The following GRM5 variants were observed in gnomAD, a reference collection of about 807,000 sequenced individuals.
GRM5 encodes the protein glutamate metabotropic receptor 5, also known as metabotropic glutamate receptor 5.
In GRM5, 19 loss-of-function variants were observed where a neutral mutation model predicts 83.1. The observed-to-expected ratio is 0.23, with a 90% confidence interval of 0.16 to 0.34. The LOEUF (loss-of-function observed/expected upper bound fraction) is 0.34, where lower values mean the gene tolerates loss of function less well. Among genes scored for constraint, GRM5 ranks in the 10% least tolerant of loss-of-function variants. GRM5 has a pLI of 1.00. For synonymous variants in GRM5, 675 were observed against 633.6 expected, an observed-to-expected ratio of 1.07 and a Z score of -0.98; for missense variants, 1,160 against 1,588.3, an observed-to-expected ratio of 0.73 and a Z score of 4.58.
At chr11:88,580,710 C>G (rs1336332326) in intron 7 of GRM5, among the ~76,000 whole-genome samples, 1 of 152,126 alleles carries the variant, frequency 6.6e-6, no homozygotes, top group Non-Finnish European at 1.5e-5. Flanking sequence ...TGAAGCTAAT[C>G]TAAACGAAGT....
intron 4 of GRM5, among the ~76,000 whole-genome samples, chr11:88,649,283 A>G (rs1248708957): frequency 3.8e-5 from 2 of 52,388 alleles, no homozygotes; most frequent in Non-Finnish European, 1.7e-4. Context: ...TATTATATAT[A>G]TGTAATACAT....
At chr11:89,063,912 T>C (rs1942050138) in intron 1 of GRM5, among the ~76,000 whole-genome samples, 1 of 152,092 alleles carries the variant, frequency 6.6e-6, no homozygotes, top group Non-Finnish European at 1.5e-5. Context: ...TTTTCACATG[T>C]TTACCGTCAT....
chr11:88,803,559 G>A (rs932585141), intron 3 of GRM5, among the ~76,000 whole-genome samples: 11 of 152,110 alleles, frequency 7.2e-5, no homozygotes, highest in Non-Finnish European at 1.2e-4. Flanking sequence ...AGACTTAAAC[G>A]TTGGACCTAA....
intron 3 of GRM5, among the ~76,000 whole-genome samples, chr11:88,673,211 G>T (rs1452400981): frequency 2.0e-5 from 3 of 151,866 alleles, no homozygotes; most frequent in Non-Finnish European, 4.4e-5. Context: ...GAGAAGTGAT[G>T]ATTTGAAACA....
intron 3 of GRM5, among the ~76,000 whole-genome samples, chr11:88,690,229 T>A (rs1940747283): frequency 6.6e-6 from 1 of 152,142 alleles, no homozygotes; most frequent in South Asian, 2.1e-4. Context: ...CAACTTTTTT[T>A]ATTACAGTAA....
chr11:88,925,002 G>C (rs1462226658), intron 2 of GRM5, among the ~76,000 whole-genome samples: 1 of 151,912 alleles, frequency 6.6e-6, no homozygotes, highest in Non-Finnish European at 1.5e-5. Flanking sequence ...TCTCACAGAT[G>C]TTTTACTTCA....
intron 3 of GRM5, among the ~76,000 whole-genome samples, chr11:88,672,281 G>C (rs1940214481): frequency 6.6e-6 from 1 of 151,968 alleles, no homozygotes; most frequent in South Asian, 2.1e-4. Context: ...TACAGTCCAA[G>C]TACATCAACA....
chr11:88,647,532 C>T (rs902200593), intron 4 of GRM5, among the ~76,000 whole-genome samples: 1 of 152,078 alleles, frequency 6.6e-6, no homozygotes, highest in African/African-American at 2.4e-5. Context: ...AAACGTTAGA[C>T]CTAAAACCAT....
chr11:88,815,611 T>G (rs114871303), intron 3 of GRM5, among the ~76,000 whole-genome samples: 4,016 of 152,156 alleles, frequency 0.026, 182 homozygotes, highest in African/African-American at 0.09. Flanking sequence ...TCACTTATTG[T>G]GGAAAATAAC....
intron 2 of GRM5, among the ~76,000 whole-genome samples, chr11:88,983,348 G>A (rs1013034788): frequency 6.6e-6 from 1 of 152,152 alleles, no homozygotes; most frequent in Non-Finnish European, 1.5e-5. Context: ...GAGTTCATGT[G>A]CATAGTAACT....
At chr11:88,648,944 AAT>A in intron 4 of GRM5, among the ~76,000 whole-genome samples, 1 of 150,986 alleles carries the variant, frequency 6.6e-6, no homozygotes, top group African/African-American at 2.4e-5. Flanking sequence ...AAACTGATGC[AAT>A]TCTTTATTCT....
At chr11:88,786,530 T>C (rs1399888098) in intron 3 of GRM5, among the ~76,000 whole-genome samples, 1 of 152,146 alleles carries the variant, frequency 6.6e-6, no homozygotes, top group African/African-American at 2.4e-5. Context: ...CTAGACTCTT[T>C]GCTACTTGCG....
rs1941235697 is a variant in GRM5 at position 88,508,325 on chromosome 11, G to A, written c.*267C>T. 4 of 357,402 alleles carry A rather than the reference G, an allele frequency of 1.1e-5. No homozygotes were observed. The highest frequency in any genetic ancestry group is 8.8e-5 in the South Asian group (2 of 22,856). The allele number at this position is 357,402 out of a possible 1,614,324, so 22.1% of individuals were successfully genotyped here. A position where few individuals can be genotyped will look rare whatever the true frequency, so the allele number is the denominator to read the frequency against. On this transcript the variant is annotated 3_prime_UTR_variant, in exon 10 of 10. Transcript: ENST00000305447. This position sits in a 1 kb window ranked among gnomAD's most constrained non-coding sequence, Gnocchi z 4.2. Reference sequence around the variant, plus strand: ...TTGGTATGGAACTGTTTGAAGAGACGCCTTGTCAGCCCTCAAAGATATCAG... The same window carrying A: ...TTGGTATGGAACTGTTTGAAGAGACACCTTGTCAGCCCTCAAAGATATCAG...
At chr11:88,854,798 T>A (rs1944444564) in intron 2 of GRM5, among the ~76,000 whole-genome samples, 1 of 151,842 alleles carries the variant, frequency 6.6e-6, no homozygotes, top group African/African-American at 2.4e-5. Context: ...TAAATTAAAT[T>A]AAATTATAAA....
At chr11:88,824,903 A>G (rs1943867868) in intron 3 of GRM5, among the ~76,000 whole-genome samples, 1 of 152,226 alleles carries the variant, frequency 6.6e-6, no homozygotes, top group Admixed American at 6.5e-5. Flanking sequence ...TTTATGAGTC[A>G]TATTTCATAT....
At chr11:88,573,458 A>G (rs565420332) in intron 7 of GRM5, among the ~76,000 whole-genome samples, 252 of 152,284 alleles carry the variant, frequency 1.7e-3, no homozygotes, top group Non-Finnish European at 2.7e-3. Context: ...GAGATGCCTG[A>G]TGTTCTGTAA....
At chr11:89,052,214 G>T (rs1214185145) in intron 1 of GRM5, among the ~76,000 whole-genome samples, 2 of 152,166 alleles carry the variant, frequency 1.3e-5, no homozygotes, top group African/African-American at 4.8e-5. Flanking sequence ...ACTCAGGGGA[G>T]AGTTTTGGTT....
At chr11:88,934,884 C>T (rs953406685) in intron 2 of GRM5, among the ~76,000 whole-genome samples, 4 of 151,822 alleles carry the variant, frequency 2.6e-5, no homozygotes, top group African/African-American at 7.2e-5. Context: ...ACTATAGAAA[C>T]AGGCCGTCAA....
chr11:88,972,451 C>T (rs1042702997), intron 2 of GRM5, among the ~76,000 whole-genome samples: 2 of 152,018 alleles, frequency 1.3e-5, no homozygotes, highest in Non-Finnish European at 2.9e-5. Context: ...CTCTTTAACT[C>T]TTAACAATAA....
Sources: gnomAD v4.1 joint callset for allele counts (sites outside exome capture counted in the v4.1 genomes callset) on GRCh38, gnomAD v4.1.1 for gene constraint, Gnocchi (gnomAD v3.1) non-coding constraint, MANE v1.5 for transcripts, NCBI Gene and HGNC (gene_info 2026-07-23, HGNC 2026-07-21) for gene names.